The following TGFBR3 variants were observed in gnomAD, a reference collection of about 807,000 sequenced individuals.
TGFBR3 encodes the protein transforming growth factor beta receptor type 3.
TGFBR3 carries 46 observed loss-of-function variants against 87.9 expected under a neutral mutation model. That is an observed-to-expected ratio of 0.52 (90% CI 0.41 to 0.67). The LOEUF (loss-of-function observed/expected upper bound fraction) is 0.67, where lower values mean the gene tolerates loss of function less well. Among genes scored for constraint, TGFBR3 ranks in the 30% least tolerant of loss-of-function variants. TGFBR3 has a pLI of 0.00. For missense variants in TGFBR3, 866 were observed against 1,041.9 expected, an observed-to-expected ratio of 0.83 and a Z score of 2.32; for synonymous variants, 381 against 391.6, an observed-to-expected ratio of 0.97 and a Z score of 0.32.
At chr1:91,712,741 A>C (rs1001588186) in intron 12 of TGFBR3, among the ~76,000 whole-genome samples, 199 bp from the exon 13 acceptor site, 2 of 152,250 alleles carry the variant, frequency 1.3e-5, no homozygotes, top group Non-Finnish European at 2.9e-5. Context: ...AATTTGATAT[A>C]GATGATGACA....
intron 1 of TGFBR3, among the ~76,000 whole-genome samples, chr1:91,900,594 C>T (rs1557768474): frequency 6.6e-6 from 1 of 152,148 alleles, no homozygotes; most frequent in Non-Finnish European, 1.5e-5. Context: ...AGAAAAGTAT[C>T]ACATACAAGA....
chr1:91,788,058 G>A (rs1409899500), intron 3 of TGFBR3, among the ~76,000 whole-genome samples: 1 of 152,212 alleles, frequency 6.6e-6, no homozygotes, highest in Non-Finnish European at 1.5e-5. Context: ...GAAAGGGAGT[G>A]CTTGACAGCA....
At chr1:91,784,647 A>G (rs763533882) in intron 3 of TGFBR3, among the ~76,000 whole-genome samples, 5 of 152,334 alleles carry the variant, frequency 3.3e-5, no homozygotes, top group Non-Finnish European at 7.3e-5. Flanking sequence ...ATGGGCTTCC[A>G]AAGTGGCAAG....
intron 16 of TGFBR3, among the ~76,000 whole-genome samples, chr1:91,684,425 G>C (rs1203400996): frequency 6.6e-6 from 1 of 152,182 alleles, no homozygotes; most frequent in Non-Finnish European, 1.5e-5. Flanking sequence ...AAACCGGGGT[G>C]GGGGATAGCT....
intron 4 of TGFBR3, among the ~76,000 whole-genome samples, chr1:91,749,247 C>G (rs1404775018): frequency 6.6e-6 from 1 of 152,108 alleles, no homozygotes; most frequent in Non-Finnish European, 1.5e-5. Flanking sequence ...ATGGAAAGGC[C>G]AGAGATCAAA....
chr1:91,884,905 AATAC>A (rs1679233174), intron 1 of TGFBR3, among the ~76,000 whole-genome samples: 1 of 152,238 alleles, frequency 6.6e-6, no homozygotes, highest in South Asian at 2.1e-4. Context: ...TAAAACTCAG[AATAC>A]GCCTGGTTCC....
chr1:91,763,782 C>T (rs1410744681), intron 3 of TGFBR3, among the ~76,000 whole-genome samples: 1 of 152,114 alleles, frequency 6.6e-6, no homozygotes, highest in Admixed American at 6.5e-5. Context: ...TCAAACCTGA[C>T]CCCAGATGGA....
At chr1:91,897,738 G>A (rs567012872) in intron 2 of TGFBR3, among the ~76,000 whole-genome samples, 12 of 152,286 alleles carry the variant, frequency 7.9e-5, no homozygotes, top group Admixed American at 2.0e-4. Flanking sequence ...CAGGCACAAA[G>A]TAGAAAATTA....
chr1:91,903,373 G>A lies in TGFBR3; in HGVS notation c.-175+2453C>T, dbSNP rs942352364. On this transcript the variant is annotated intron_variant, in intron 1 of 17. Coordinates refer to the TGFBR3 transcript ENST00000370399. The stretch of plus-strand genomic sequence containing the variant: ...AAAAAAAAAAAAAAAAAAATTGCCA[G>A]TCTGGACCTCTGTCTCATAAGAGAA... Among the ~76,000 whole-genome samples, 5 of 116,464 alleles carry A rather than the reference G, an allele frequency of 4.3e-5. No homozygotes were observed. In the Admixed American group the frequency reaches 4.5e-4, roughly 10 times the overall value. The allele number at this position is 116,464 out of a possible 152,430, so 76.4% of individuals were successfully genotyped here.
chr1:91,873,874 C>T lies in TGFBR3; in HGVS notation c.-114+12004G>A, dbSNP rs113709927. ...ATGAGGCAGGAGAATGGCTTGAACC[C>T]GGGAGGCAGAGGTTGCAGTGAGCCA... On this transcript the variant is annotated intron_variant, in intron 1 of 16. Transcript: ENST00000212355. 7.6e-3 allele frequency among the ~76,000 whole-genome samples: 1,152 copies of T among 151,788 alleles called. 12 individuals carry two copies. The highest frequency in any genetic ancestry group is 0.026 in the African/African-American group (1,095 of 41,376).
intron 4 of TGFBR3, among the ~76,000 whole-genome samples, chr1:91,744,812 G>A (rs926851937): frequency 6.6e-6 from 1 of 152,174 alleles, no homozygotes; most frequent in Non-Finnish European, 1.5e-5. Context: ...TTTGAAGAAC[G>A]AGCAAGAATC....
intron 7 of TGFBR3, among the ~76,000 whole-genome samples, chr1:91,724,730 G>A (rs896362473): frequency 6.6e-6 from 1 of 152,128 alleles, no homozygotes; most frequent in Non-Finnish European, 1.5e-5. Context: ...TCCAGCTTTA[G>A]TGGAGCTACG....
intron 2 of TGFBR3, among the ~76,000 whole-genome samples, chr1:91,895,625 C>T (rs1679537491): frequency 6.6e-6 from 1 of 152,150 alleles, no homozygotes; most frequent in South Asian, 2.1e-4. Context: ...ACGGCCAGTC[C>T]AGAATGGACT....
intron 2 of TGFBR3, among the ~76,000 whole-genome samples, chr1:91,798,109 A>T (rs1176181873): frequency 6.6e-6 from 1 of 152,146 alleles, no homozygotes; most frequent in Non-Finnish European, 1.5e-5. Context: ...CTCTTCCTCT[A>T]ATCAGTCAAG....
At chr1:91,875,910 CAAAAAA>C (rs34185299) in intron 1 of TGFBR3, among the ~76,000 whole-genome samples, 4 of 64,154 alleles carry the variant, frequency 6.2e-5, no homozygotes, top group African/African-American at 1.7e-4. Context: ...GACTCCGTCT[CAAAAAA>C]AAAAAAAAAA....
upstream of TGFBR3, among the ~76,000 whole-genome samples, chr1:91,891,034 A>T (rs1010754279): frequency 1.3e-5 from 2 of 151,714 alleles, no homozygotes; most frequent in African/African-American, 4.8e-5. Flanking sequence ...AGTAGCTGGG[A>T]ATACAGGTGC....
chr1:91,797,557 A>T (rs916643393), intron 2 of TGFBR3, 86 bp from the exon 3 acceptor site: 6 of 1,469,398 alleles, frequency 4.1e-6, no homozygotes, highest in Non-Finnish European at 5.7e-6. Context: ...ACCACTGCCA[A>T]CCCACCAGAG....
intron 14 of TGFBR3, among the ~76,000 whole-genome samples, chr1:91,702,174 T>C (rs1479033294): frequency 1.3e-5 from 2 of 152,186 alleles, no homozygotes; most frequent in Non-Finnish European, 2.9e-5. Flanking sequence ...CAAACACTGA[T>C]TGTACTGAGA....
At chr1:91,770,567 A>G (rs1674342657) in intron 3 of TGFBR3, among the ~76,000 whole-genome samples, 1 of 152,210 alleles carries the variant, frequency 6.6e-6, no homozygotes, top group Non-Finnish European at 1.5e-5. Context: ...AACTATGTTA[A>G]CTATAGCTTG....
Sources: allele counts gnomAD v4.1 joint callset (sites outside exome capture counted in the v4.1 genomes callset), GRCh38; gene constraint gnomAD v4.1.1; transcripts MANE v1.5; gene names NCBI Gene and HGNC (gene_info 2026-07-23, HGNC 2026-07-21).